The following HDAC9 variants were observed in gnomAD, a reference collection of about 807,000 sequenced individuals.
The protein encoded by HDAC9 is MEF-2 interacting transcription repressor (MITR) protein.
Under a neutral mutation model 139.4 loss-of-function variants are expected in HDAC9, and 41 were observed. The observed-to-expected ratio is 0.29, with a 90% CI of 0.23 to 0.38. The LOEUF (loss-of-function observed/expected upper bound fraction) is 0.38, where lower values mean the gene tolerates loss of function less well. HDAC9 is among the 10% of genes least tolerant of loss of function. The pLI is 1.00. For synonymous variants in HDAC9, 517 were observed against 476.2 expected, an observed-to-expected ratio of 1.09 and a Z score of -1.12; for missense variants, 1,147 against 1,297.0, an observed-to-expected ratio of 0.88 and a Z score of 1.78.
At chr7:18,179,316 C>T (rs116890927) in intron 2 of HDAC9, among the ~76,000 whole-genome samples, 1 of 152,216 alleles carries the variant, frequency 6.6e-6, no homozygotes, top group African/African-American at 2.4e-5. Context: ...ATTGCAAACT[C>T]TCTGAATCCA....
At chr7:18,798,175 G>C (rs1423332975) in intron 17 of HDAC9, among the ~76,000 whole-genome samples, 3 of 152,002 alleles carry the variant, frequency 2.0e-5, no homozygotes, top group Admixed American at 6.6e-5. Flanking sequence ...CCGCTCCTAG[G>C]CTACTTTCAC....
chr7:18,810,321 A>T (rs1214863771), intron 17 of HDAC9, among the ~76,000 whole-genome samples: 1 of 151,928 alleles, frequency 6.6e-6, no homozygotes, highest in Non-Finnish European at 1.5e-5. Flanking sequence ...AATCTCAATC[A>T]CATCTGCAAA....
chr7:18,184,745 A>G (rs1203865561), intron 2 of HDAC9, among the ~76,000 whole-genome samples: 1 of 152,184 alleles, frequency 6.6e-6, no homozygotes, highest in African/African-American at 2.4e-5. Flanking sequence ...AATCCAGCAT[A>G]TTCATTTGAA....
chr7:18,162,388 T>C, intron 2 of HDAC9: 1 of 1,506,324 alleles, frequency 6.6e-7, no homozygotes, highest in Non-Finnish European at 8.9e-7. Flanking sequence ...ATAGACTTCA[T>C]GTGAAAGATG....
intron 21 of HDAC9, among the ~76,000 whole-genome samples, chr7:18,840,159 G>A (rs1375018077): frequency 6.6e-6 from 1 of 152,030 alleles, no homozygotes; most frequent in African/African-American, 2.4e-5. Flanking sequence ...AGGTCTTAAT[G>A]AAATAATTAA....
In HDAC9 at chr7:18,591,657, T is replaced by G; in HGVS notation, c.542+15T>G. ...CTCTGGTACACGTATGTTCAGTGTT[T>G]GGCTGTTTTCATTCCTGGGGTAAAG... On this transcript the variant is annotated intron_variant, in intron 5 of 25. Coordinates refer to ENST00000686413, the MANE Select transcript of HDAC9 (RefSeq NM_178425.4). 6.2e-7 allele frequency: 1 copy of G among 1,611,984 alleles called. No homozygotes were observed. The highest frequency in any genetic ancestry group is 8.5e-7 in the Non-Finnish European group (1 of 1,178,772).
intron 14 of HDAC9, among the ~76,000 whole-genome samples, chr7:18,758,917 C>G (rs1345715186): frequency 6.6e-6 from 1 of 151,496 alleles, no homozygotes; most frequent in Non-Finnish European, 1.5e-5. Flanking sequence ...TAAGTACTTC[C>G]TTATATTTAG....
At chr7:18,375,976 T>C (rs1784968730) in intron 1 of HDAC9, among the ~76,000 whole-genome samples, 1 of 152,216 alleles carries the variant, frequency 6.6e-6, no homozygotes, top group Admixed American at 6.5e-5. Flanking sequence ...TAATAGTTTT[T>C]ATATGCAGAA....
At chr7:18,514,064 A>G (rs1300128000) in intron 2 of HDAC9, among the ~76,000 whole-genome samples, 8 of 152,224 alleles carry the variant, frequency 5.3e-5, no homozygotes, top group Non-Finnish European at 8.8e-5. Context: ...ACAAAGAACT[A>G]TCACTAATTG....
At chr7:18,606,520 T>G (rs1398968937) in intron 6 of HDAC9, among the ~76,000 whole-genome samples, 1 of 152,236 alleles carries the variant, frequency 6.6e-6, no homozygotes, top group Non-Finnish European at 1.5e-5. Context: ...GAAATTATTT[T>G]AAGTCACATT....
At chr7:18,197,220 A>G (rs577623144) in intron 2 of HDAC9, among the ~76,000 whole-genome samples, 64 of 152,298 alleles carry the variant, frequency 4.2e-4, no homozygotes, top group African/African-American at 8.2e-4. Context: ...ATGTGAGCCA[A>G]TTCCTTATAA....
At chr7:18,509,045 A>AT (rs1211048121) in intron 2 of HDAC9, among the ~76,000 whole-genome samples, 1 of 152,238 alleles carries the variant, frequency 6.6e-6, no homozygotes, top group Admixed American at 6.5e-5. Context: ...TGACACATCT[A>AT]TTTTTTAAAA....
chr7:18,918,613 G>T (rs1439608688), intron 22 of HDAC9, among the ~76,000 whole-genome samples: 1 of 151,958 alleles, frequency 6.6e-6, no homozygotes, highest in Non-Finnish European at 1.5e-5. Context: ...CACACTTATT[G>T]TCTGTCTCTC....
chr7:18,365,634 T>C (rs1031017002), intron 1 of HDAC9, among the ~76,000 whole-genome samples: 10 of 63,560 alleles, frequency 1.6e-4, no homozygotes, highest in Admixed American at 9.8e-4. Flanking sequence ...TTATAGTCTT[T>C]ATGACTTTTT....
chr7:18,101,989 T>G (rs1782887164), intron 1 of HDAC9, among the ~76,000 whole-genome samples: 1 of 152,220 alleles, frequency 6.6e-6, no homozygotes, highest in East Asian at 1.9e-4. Context: ...CTTTTATATT[T>G]ATTCAGGAGG....
chr7:18,374,504 A>G (rs1784840906), intron 1 of HDAC9, among the ~76,000 whole-genome samples: 1 of 152,086 alleles, frequency 6.6e-6, no homozygotes, highest in Admixed American at 6.6e-5. Flanking sequence ...ACTGTATGGC[A>G]TACTTCAGGC....
intron 4 of HDAC9, 120 bp downstream of exon 4, chr7:18,590,606 AAG>A: frequency 1.9e-6 from 2 of 1,046,786 alleles, no homozygotes; most frequent in Non-Finnish European, 2.7e-6. Context: ...GTTTAATTAA[AAG>A]CATAGATTAC....
At position 18,863,042 on chromosome 7, in the gene HDAC9, T is replaced by C. The variant is rs187382874; in HGVS notation, c.2685-11436T>C. On this transcript the variant is annotated intron_variant, in intron 21 of 25. Transcript: ENST00000686413. Reference sequence around the variant, plus strand: ...ATCATCCCCATTCTGCTTTTGTGTCTGGAGAGATTTGGAACCAGCTGGACA... The same window carrying C: ...ATCATCCCCATTCTGCTTTTGTGTCCGGAGAGATTTGGAACCAGCTGGACA... 3.5e-4 allele frequency among the ~76,000 whole-genome samples: 54 copies of C among 152,302 alleles called. 1 individual carries two copies. Among genetic ancestry groups the C allele is most frequent in the Middle Eastern group, 3.4e-3 (1 of 294 alleles).
intron 2 of HDAC9, among the ~76,000 whole-genome samples, chr7:18,513,419 T>C (rs1802169932): frequency 6.6e-6 from 1 of 152,196 alleles, no homozygotes; most frequent in African/African-American, 2.4e-5. Context: ...AACTGTATCC[T>C]AAAGCTTCAC....
Sources: allele counts gnomAD v4.1 joint callset (sites outside exome capture counted in the v4.1 genomes callset), GRCh38; gene constraint gnomAD v4.1.1; transcripts MANE v1.5; gene names NCBI Gene and HGNC (gene_info 2026-07-23, HGNC 2026-07-21).